Variants in TRPC4 observed in about 807,000 individuals in gnomAD.
TRPC4 encodes the protein short transient receptor potential channel 4.
TRPC4 carries 49 observed loss-of-function variants against 99.4 expected under a neutral mutation model. The observed-to-expected ratio is 0.49, with a 90% CI of 0.39 to 0.63. The LOEUF (loss-of-function observed/expected upper bound fraction) is 0.63. TRPC4 is among the 20% of genes least tolerant of loss of function. The pLI is 0.00. For missense variants in TRPC4, 898 were observed against 1,152.9 expected, an observed-to-expected ratio of 0.78 and a Z score of 3.20; for synonymous variants, 454 against 425.9, an observed-to-expected ratio of 1.07 and a Z score of -0.81.
intron 1 of TRPC4, among the ~76,000 whole-genome samples, chr13:37,869,301 G>A (rs915748874): frequency 3.6e-4 from 55 of 152,180 alleles, no homozygotes; most frequent in African/African-American, 1.2e-3. Context: ...CACACCGGGG[G>A]TTCACTCCTC....
chr13:37,708,023 A>T (rs1011290139), intron 3 of TRPC4, among the ~76,000 whole-genome samples: 5 of 152,042 alleles, frequency 3.3e-5, no homozygotes, highest in African/African-American at 1.2e-4. Flanking sequence ...AACAGTCCTC[A>T]TGTCTTCCAG....
At chr13:37,762,976 G>T (rs1956265747) in intron 2 of TRPC4, among the ~76,000 whole-genome samples, 1 of 151,452 alleles carries the variant, frequency 6.6e-6, no homozygotes, top group South Asian at 2.1e-4. Context: ...AGATTAGATG[G>T]AATCCTTTAT....
intron 8 of TRPC4, among the ~76,000 whole-genome samples, chr13:37,647,874 C>T (rs990420967): frequency 1.3e-5 from 2 of 152,160 alleles, no homozygotes; most frequent in African/African-American, 4.8e-5. Flanking sequence ...TTTGATATTA[C>T]TTTCTCAGTT....
chr13:37,742,225 T>C (rs772267811), intron 3 of TRPC4, among the ~76,000 whole-genome samples: 1 of 152,140 alleles, frequency 6.6e-6, no homozygotes, highest in Non-Finnish European at 1.5e-5. Flanking sequence ...TCTCTTTGGA[T>C]GAGATTAGAG....
At chr13:37,726,597 G>A (rs1041764869) in intron 3 of TRPC4, among the ~76,000 whole-genome samples, 22 of 152,118 alleles carry the variant, frequency 1.4e-4, no homozygotes, top group Admixed American at 1.3e-3. Flanking sequence ...ACAGAAGTAA[G>A]TATCCTTTAT....
rs115302715 is a variant in TRPC4 at position 37,703,671 on chromosome 13, T to A, written c.898-11336A>T. ...TTAGAATGACTAAAATTAAAAAAAA[T>A]ATCTAATTAAAACATATGTTGATAC... On this transcript the variant is annotated intron_variant, in intron 3 of 10. Transcript: ENST00000379705. Among the ~76,000 whole-genome samples the A allele has an allele frequency of 7.2e-3, 1,070 of 149,212 alleles. 13 individuals carry two copies. The highest frequency in any genetic ancestry group is 0.026 in the African/African-American group (1,026 of 39,162).
rs150332747 is a variant in TRPC4, at chr13:37,633,288, A to G, written c.*3615T>C. ...ATACAGAGAAAGAAAAATATATTGT[A>G]AGCATATTTACAGGGCCACAATGGA... is the stretch of plus-strand genomic sequence containing the variant. On this transcript the variant is annotated 3_prime_UTR_variant, in exon 11 of 11. Transcript: ENST00000379705. 3.5e-3 allele frequency among the ~76,000 whole-genome samples: 538 copies of G among 152,244 alleles called. 5 individuals carry two copies. Among genetic ancestry groups the G allele is most frequent in the African/African-American group, 0.012 (518 of 41,562 alleles).
At chr13:37,669,960 G>A (rs529295924) in intron 5 of TRPC4, among the ~76,000 whole-genome samples, 5 of 152,134 alleles carry the variant, frequency 3.3e-5, no homozygotes, top group Non-Finnish European at 7.3e-5. Flanking sequence ...TTTTTGGGAG[G>A]TAATTAGGTT....
intron 5 of TRPC4, among the ~76,000 whole-genome samples, chr13:37,672,511 T>A (rs1014321997): frequency 1.3e-5 from 2 of 152,176 alleles, no homozygotes; most frequent in Non-Finnish European, 2.9e-5. Context: ...AACCTGAGTT[T>A]TGGCAAGCCC....
chr13:37,663,619 C>T lies in TRPC4; in HGVS notation c.1485G>A (p.Leu495=), dbSNP rs147170623. 811 of 1,614,130 alleles carry T rather than the reference C, an allele frequency of 5.0e-4. 4 individuals are homozygous for T. The highest frequency in any genetic ancestry group is 5.7e-4 in the Non-Finnish European group (678 of 1,180,020). ...NIFSSLRLIS[L]FTANSHLGPL... ...GTCCCAGGTGAGAATTTGCAGTAAA[C>T]AGTGAGATCAGACGCAGAGAACTGA... Residue 495 remains leucine, a synonymous_variant, in exon 6 of 11, where the codon CTG becomes CTA. Coordinates refer to ENST00000379705, the MANE Select transcript of TRPC4 (RefSeq NM_016179.4).
chr13:37,774,086 T>G (rs1009614668), intron 2 of TRPC4, among the ~76,000 whole-genome samples: 5 of 151,782 alleles, frequency 3.3e-5, no homozygotes, highest in African/African-American at 1.2e-4. Context: ...TGTATATAAT[T>G]TCCCTCAGGG....
At chr13:37,745,512 A>ACG (rs1955741309) in intron 3 of TRPC4, among the ~76,000 whole-genome samples, 1 of 120,456 alleles carries the variant, frequency 8.3e-6, no homozygotes, top group African/African-American at 3.5e-5. Flanking sequence ...ATATATGTAT[A>ACG]TATATACGTA....
intron 2 of TRPC4, among the ~76,000 whole-genome samples, chr13:37,754,565 T>A (rs1047189608): frequency 3.2e-4 from 49 of 152,240 alleles, no homozygotes; most frequent in Middle Eastern, 3.4e-3. Flanking sequence ...AACTACTTTT[T>A]AAAAATAAAT....
intron 2 of TRPC4, among the ~76,000 whole-genome samples, chr13:37,770,285 A>G (rs916700645): frequency 6.6e-6 from 1 of 151,356 alleles, no homozygotes; most frequent in Non-Finnish European, 1.5e-5. Flanking sequence ...CTTTCCACAT[A>G]TCTGTAAAAG....
At chr13:37,866,913 C>T (rs913146982) in intron 1 of TRPC4, among the ~76,000 whole-genome samples, 1 of 150,550 alleles carries the variant, frequency 6.6e-6, no homozygotes, top group Non-Finnish European at 1.5e-5. Flanking sequence ...GCTGTCTCCT[C>T]AACCTCATTT....
rs192893538 is a variant in TRPC4 at position 37,847,687 on chromosome 13, A to C, written c.-28+21908T>G. Among the ~76,000 whole-genome samples, 10 of 152,162 alleles carry C rather than the reference A, an allele frequency of 6.6e-5. No individual in the cohort carries two copies. The East Asian group carries it at 1.7e-3, about 26-fold the overall frequency. ...AATAAAATAAATATTTAAAAAGGGG[A>C]AGTGGAGATTTGCAACAACATGGAG... is the stretch of plus-strand genomic sequence containing the variant. On this transcript the variant is annotated intron_variant, in intron 1 of 10. Transcript: ENST00000379705.
chr13:37,846,560 T>G (rs1284181621), intron 1 of TRPC4, among the ~76,000 whole-genome samples: 1 of 151,448 alleles, frequency 6.6e-6, no homozygotes, highest in Non-Finnish European at 1.5e-5. Context: ...AAACCCCCAG[T>G]AGTTGCACAA....
In TRPC4 at chr13:37,636,348, G is replaced by A. The variant is rs934028753; in HGVS notation, c.*555C>T. ...GTTTTTCTGAATTTGAGGGAGTTTA[G>A]ATATGACTCCATGAGAAGAAGACTT... On this transcript the variant is annotated 3_prime_UTR_variant, in exon 11 of 11. Transcript: ENST00000379705. Among the ~76,000 whole-genome samples, 4 of 152,064 alleles carry A rather than the reference G, an allele frequency of 2.6e-5. No individual in the cohort carries two copies. The highest frequency in any genetic ancestry group is 4.8e-5 in the African/African-American group (2 of 41,422).
chr13:37,657,399 A>G (rs1451158078), intron 6 of TRPC4, among the ~76,000 whole-genome samples: 3 of 152,228 alleles, frequency 2.0e-5, no homozygotes, highest in African/African-American at 7.2e-5. Context: ...TCTCAGGAAA[A>G]AGTAAATTTG....
Sources: allele counts gnomAD v4.1 joint callset (sites outside exome capture counted in the v4.1 genomes callset), GRCh38; gene constraint gnomAD v4.1.1; transcripts MANE v1.5; gene names NCBI Gene and HGNC (gene_info 2026-07-23, HGNC 2026-07-21).